Variants in GET1 observed in about 807,000 individuals in gnomAD.
GET1 encodes congenital heart disease 5 protein.
In GET1, 20 loss-of-function variants were observed where a neutral mutation model predicts 22.6. The ratio of observed to expected loss-of-function variants is 0.89; its 90% confidence interval spans 0.62 to 1.29. The LOEUF (loss-of-function observed/expected upper bound fraction) is 1.29, where lower values mean the gene tolerates loss of function less well. GET1 is among the 50% of genes most tolerant of loss of function. The pLI, the probability that GET1 is intolerant of heterozygous loss-of-function variation, is 0.00. For missense variants in GET1, 209 were observed against 219.9 expected (o/e 0.95, Z 0.31); for synonymous variants, 92 against 83.8 (o/e 1.10, Z -0.53).
At chr21:39,402,037 G>T (rs1241848717), downstream of GET1, among the ~76,000 whole-genome samples, 1 of 152,022 alleles carries the variant, frequency 6.6e-6, no homozygotes, top group Non-Finnish European at 1.5e-5. Flanking sequence ...TAATAATGAT[G>T]ACCTCTAAAT....
At chr21:39,392,041 T>G in intron 3 of GET1, 1 of 544,856 alleles carries the variant, frequency 1.8e-6, no homozygotes, top group Non-Finnish European at 3.2e-6. Context: ...GTTGTTAAAG[T>G]TTGGGACTTT....
intron 4 of GET1, among the ~76,000 whole-genome samples, chr21:39,402,955 T>C (rs116894202): frequency 0.014 from 2,104 of 152,352 alleles, 18 homozygotes; most frequent in Middle Eastern, 0.037. Flanking sequence ...AGATTGTATT[T>C]TTATTAAATT....
At chr21:39,382,473 A>G (rs2037614119) in intron 1 of GET1, among the ~76,000 whole-genome samples, 1 of 152,170 alleles carries the variant, frequency 6.6e-6, no homozygotes, top group Middle Eastern at 3.2e-3. Flanking sequence ...TGTGAATTTG[A>G]CTACTCTTGG....
At chr21:39,390,045 T>G (rs990285876) in intron 1 of GET1, among the ~76,000 whole-genome samples, 3 of 148,980 alleles carry the variant, frequency 2.0e-5, no homozygotes, top group Admixed American at 6.6e-5. Context: ...AATATGAGTT[T>G]TTTTTTTTTT....
chr21:39,396,767 G>GA (rs2038683422), intron 4 of GET1, 99 bp from the exon 5 acceptor site: 1 of 1,103,632 alleles, frequency 9.1e-7, no homozygotes, highest in Admixed American at 1.8e-5. Context: ...TGCTCAAAAA[G>GA]AATGGAAATA....
downstream of GET1, among the ~76,000 whole-genome samples, chr21:39,398,549 A>C (rs1264006239): frequency 6.6e-6 from 1 of 152,170 alleles, no homozygotes; most frequent in Middle Eastern, 3.2e-3. Flanking sequence ...GTGATGATTA[A>C]ATAGGGGAAA....
Position 39,382,355 on chromosome 21 carries a change from C to T in GET1, c.102+1869C>T, listed in dbSNP as rs562844015. On this transcript the variant is annotated intron_variant, in intron 1 of 4. Transcript: ENST00000649170. The stretch of plus-strand genomic sequence containing the variant: ...CAGGCGTGTGCCACCACGCCTGGCC[C>T]CATCCCAGAACTTTTTTTATCTCCT... Among the ~76,000 whole-genome samples, 6 of 152,206 alleles carry T rather than the reference C, an allele frequency of 3.9e-5. No homozygotes were observed. In the South Asian group the frequency reaches 1.2e-3, roughly 32 times the overall value.
chr21:39,390,550 G>A, intron 1 of GET1, 148 bp from the exon 2 acceptor site: 1 of 1,022,252 alleles, frequency 9.8e-7, no homozygotes, highest in Non-Finnish European at 1.4e-6. Flanking sequence ...AACGTTCACG[G>A]CCGCAGTTTG....
chr21:39,395,246 G>A (rs1159394405), intron 4 of GET1, among the ~76,000 whole-genome samples: 1 of 152,090 alleles, frequency 6.6e-6, no homozygotes, highest in Non-Finnish European at 1.5e-5. Flanking sequence ...CCTGATGAAG[G>A]ATATTTATTC....
intron 1 of GET1, among the ~76,000 whole-genome samples, chr21:39,383,913 G>C (rs569370171): frequency 6.6e-6 from 1 of 152,202 alleles, no homozygotes; most frequent in Non-Finnish European, 1.5e-5. Flanking sequence ...GCTAATTTTT[G>C]TATTTTTAGT....
At chr21:39,407,442 G>A, downstream of GET1, among the ~76,000 whole-genome samples, 1 of 152,156 alleles carries the variant, frequency 6.6e-6, no homozygotes, top group East Asian at 1.9e-4. Context: ...TATACTCTTA[G>A]ACCTAACAAC....
At chr21:39,409,860 C>A, downstream of GET1, 1 of 618,882 alleles carries the variant, frequency 1.6e-6, no homozygotes, top group South Asian at 2.1e-5. This position sits in a 1 kb window ranked among gnomAD's most constrained non-coding sequence, Gnocchi z 4.2. Context: ...TCCCAAAGTG[C>A]TGGGATTACA....
chr21:39,383,174 T>C (rs1279963686), intron 1 of GET1, among the ~76,000 whole-genome samples: 1 of 152,078 alleles, frequency 6.6e-6, no homozygotes, highest in Non-Finnish European at 1.5e-5. Flanking sequence ...CAGGATGGTC[T>C]CGATCTCCTG....
intron 2 of GET1, 26 bp from the exon 3 acceptor site, chr21:39,391,743 A>G (rs777942874): frequency 6.2e-7 from 1 of 1,610,908 alleles, no homozygotes; most frequent in Non-Finnish European, 8.5e-7. Flanking sequence ...GACTGACATA[A>G]TTATTTATCC....
chr21:39,380,706 G>A, intron 1 of GET1: 4 of 1,361,656 alleles, frequency 2.9e-6, no homozygotes, highest in Non-Finnish European at 3.8e-6. Flanking sequence ...GAGAAACACC[G>A]GGCAACCCTG....
In GET1 at chr21:39,393,252, C is replaced by T; in HGVS notation, c.423C>T (p.Arg141=). The T allele has an allele frequency of 6.2e-7, 1 of 1,614,128 alleles. No individual in the cohort carries two copies. The highest frequency in any genetic ancestry group is 8.5e-7 in the Non-Finnish European group (1 of 1,179,996). ...VPSKWITPLD[R]LVAFPTRVAG... is the part of the protein sequence containing the mutation. ...GTAAATGGATAACCCCTCTAGACCG[C>T]CTGGTAGCCTTTCCTACTAGAGTAG... Residue 141 remains arginine, a synonymous_variant, in exon 4 of 5, where the codon CGC becomes CGT. Transcript: ENST00000649170.
intron 1 of GET1, among the ~76,000 whole-genome samples, chr21:39,381,308 G>A (rs536043592): frequency 6.6e-6 from 1 of 152,252 alleles, no homozygotes; most frequent in Admixed American, 6.5e-5. Flanking sequence ...CAGAAATGAG[G>A]AGCTGTTGGG....
At chr21:39,420,063 G>A (rs992427622) in intron 1 of GET1, among the ~76,000 whole-genome samples, 2 of 152,022 alleles carry the variant, frequency 1.3e-5, no homozygotes, top group African/African-American at 2.4e-5. Context: ...ATTACTTAAC[G>A]TGATGAAATA....
At chr21:39,399,455 T>A (rs1241109647), downstream of GET1, among the ~76,000 whole-genome samples, 2 of 150,926 alleles carry the variant, frequency 1.3e-5, no homozygotes, top group African/African-American at 4.8e-5. Flanking sequence ...AAATTTATTT[T>A]ATTTTTTGAG....
Sources: allele counts gnomAD v4.1 joint callset (sites outside exome capture counted in the v4.1 genomes callset), GRCh38; gene constraint gnomAD v4.1.1; non-coding constraint Gnocchi (gnomAD v3.1); transcripts MANE v1.5; gene names NCBI Gene and HGNC (gene_info 2026-07-23, HGNC 2026-07-21).